ANKS1B: variants seen among roughly 807,000 people sequenced by gnomAD.
ANKS1B encodes the protein ankyrin repeat and sterile alpha motif domain-containing protein 1B.
ANKS1B carries 36 observed loss-of-function variants against 148.3 expected under a neutral mutation model. The observed-to-expected ratio is 0.24, with a 90% CI of 0.19 to 0.32. The LOEUF (loss-of-function observed/expected upper bound fraction) is 0.32, where lower values mean the gene tolerates loss of function less well. Among genes scored for constraint, ANKS1B ranks in the 10% least tolerant of loss-of-function variants. The probability of loss-of-function intolerance (pLI) is 1.00; values close to 1 mark genes in which losing one functional copy is unlikely to be tolerated. For synonymous variants in ANKS1B, 542 were observed against 560.8 expected (o/e 0.97, Z 0.47); for missense variants, 1,157 against 1,542.6 (o/e 0.75, Z 4.19).
intron 14 of ANKS1B, among the ~76,000 whole-genome samples, chr12:99,199,996 T>G (rs539613034): frequency 6.6e-6 from 1 of 152,294 alleles, no homozygotes; most frequent in African/African-American, 2.4e-5. Context: ...GGGCCAATTG[T>G]GTAGAAACAG....
At chr12:99,407,776 A>C (rs1334084997) in intron 11 of ANKS1B, among the ~76,000 whole-genome samples, 1 of 145,980 alleles carries the variant, frequency 6.9e-6, no homozygotes, top group Non-Finnish European at 1.5e-5. Flanking sequence ...TAAAATATCT[A>C]GGAATAAACT....
chr12:98,754,316 C>A (rs1380044570), intron 25 of ANKS1B, among the ~76,000 whole-genome samples: 1 of 152,212 alleles, frequency 6.6e-6, no homozygotes, highest in Non-Finnish European at 1.5e-5. Context: ...CATCACTGCA[C>A]AAAGAGGGCT....
At chr12:99,849,910 C>T (rs931454412) in intron 1 of ANKS1B, among the ~76,000 whole-genome samples, 1 of 151,954 alleles carries the variant, frequency 6.6e-6, no homozygotes, top group Non-Finnish European at 1.5e-5. Flanking sequence ...GTAATGACTT[C>T]GTGAAAATAC....
intron 26 of ANKS1B, among the ~76,000 whole-genome samples, chr12:98,747,499 G>A (rs2097921325): frequency 1.3e-5 from 2 of 152,204 alleles, no homozygotes; most frequent in Admixed American, 1.3e-4. Context: ...CTTCTACACT[G>A]TTGGTAGGAA....
At chr12:99,492,943 G>A (rs913250391) in intron 10 of ANKS1B, among the ~76,000 whole-genome samples, 3 of 152,162 alleles carry the variant, frequency 2.0e-5, no homozygotes, top group African/African-American at 7.2e-5. Flanking sequence ...TACTGAATGA[G>A]CAAAAGCTGG....
chr12:99,443,644 G>A (rs2095587197), intron 11 of ANKS1B, 29 bp downstream of exon 11: 2 of 1,608,920 alleles, frequency 1.2e-6, no homozygotes, highest in South Asian at 1.1e-5. Context: ...ACACATTAGA[G>A]GGAAAATGAT....
Position 99,315,112 on chromosome 12 carries a change from G to T in ANKS1B, c.1757-68248C>A, listed in dbSNP as rs540472698. ...ACAAAAATTAGCTGGGCGTGGTGGT[G>T]CATGCCTGTAGTCCCAGCTACTCAG... On this transcript the variant is annotated intron_variant, in intron 12 of 26. Coordinates refer to ENST00000683438, the MANE Select transcript of ANKS1B (RefSeq NM_001352186.2). 6.6e-5 allele frequency among the ~76,000 whole-genome samples: 10 copies of T among 151,870 alleles called. No homozygotes were observed. The East Asian group carries it at 1.9e-3, about 29-fold the overall frequency.
intron 15 of ANKS1B, among the ~76,000 whole-genome samples, chr12:99,150,174 T>A (rs1443175286): frequency 2.0e-5 from 3 of 152,030 alleles, no homozygotes; most frequent in Non-Finnish European, 4.4e-5. Context: ...AGACTGGAGG[T>A]CCACCTACAA....
chr12:99,189,000 T>C (rs2080271338), intron 14 of ANKS1B, among the ~76,000 whole-genome samples: 1 of 152,044 alleles, frequency 6.6e-6, no homozygotes, highest in Admixed American at 6.5e-5. Context: ...TAAAAAATGA[T>C]AAAGGAGATA....
At chr12:99,154,431 G>T in intron 14 of ANKS1B, 36 bp from the exon 15 acceptor site, 1 of 1,613,710 alleles carries the variant, frequency 6.2e-7, no homozygotes, top group Middle Eastern at 1.7e-4. Context: ...TTTAAGCAGG[G>T]AGTAGCCGTC....
intron 17 of ANKS1B, among the ~76,000 whole-genome samples, chr12:99,035,668 T>C (rs1057133087): frequency 3.9e-5 from 6 of 152,130 alleles, no homozygotes; most frequent in Non-Finnish European, 8.8e-5. Flanking sequence ...AACTTTCTTC[T>C]TGGCCCCAAC....
intron 9 of ANKS1B, among the ~76,000 whole-genome samples, chr12:99,522,311 A>T (rs10860455): frequency 0.26 from 38,985 of 151,928 alleles, 5,751 homozygotes; most frequent in African/African-American, 0.41. Flanking sequence ...TTACAGCTCC[A>T]ATGGGAATGA....
At chr12:99,274,816 G>A (rs982207325) in intron 12 of ANKS1B, among the ~76,000 whole-genome samples, 7 of 152,158 alleles carry the variant, frequency 4.6e-5, no homozygotes, top group African/African-American at 1.4e-4. Flanking sequence ...GGATGGGACT[G>A]GGGTCAATGC....
At chr12:99,563,053 T>C (rs922798229) in intron 9 of ANKS1B, among the ~76,000 whole-genome samples, 1 of 152,206 alleles carries the variant, frequency 6.6e-6, no homozygotes, top group African/African-American at 2.4e-5. Context: ...TCAGCCTTCA[T>C]AAAATTGAAG....
chr12:98,764,702 C>G (rs554407186), intron 25 of ANKS1B, among the ~76,000 whole-genome samples: 5 of 152,214 alleles, frequency 3.3e-5, no homozygotes, highest in African/African-American at 4.8e-5. Flanking sequence ...CTACCTGATA[C>G]CCTGAGTTCA....
rs149841991 is a variant in ANKS1B, at chr12:99,585,964, A to C, written c.1272+69103T>G. Among the ~76,000 whole-genome samples the C allele has an allele frequency of 6.9e-3, 1,050 of 152,138 alleles. 11 individuals carry two copies. Among genetic ancestry groups the C allele is most frequent in the African/African-American group, 0.024 (991 of 41,496 alleles). On this transcript the variant is annotated intron_variant, in intron 9 of 26. Transcript: ENST00000683438. ...GAGGTCTCTGACATGCCCTGGAGAC[A>C]TTTTCCCCATTGTCTTGATGATTAA...
At chr12:99,547,620 T>A (rs2097183122) in intron 9 of ANKS1B, among the ~76,000 whole-genome samples, 1 of 151,966 alleles carries the variant, frequency 6.6e-6, no homozygotes. Context: ...TGAAAGTGTC[T>A]CCCTAGGAGG....
intron 9 of ANKS1B, among the ~76,000 whole-genome samples, chr12:99,622,894 A>G (rs1688308491): frequency 6.6e-6 from 1 of 152,054 alleles, no homozygotes; most frequent in African/African-American, 2.4e-5. Flanking sequence ...ATCTCTTTCT[A>G]TGAAACCAGT....
chr12:99,450,663 C>T (rs770171829), intron 10 of ANKS1B, among the ~76,000 whole-genome samples: 1 of 152,156 alleles, frequency 6.6e-6, no homozygotes, highest in South Asian at 2.1e-4. Context: ...TGATTTTGTA[C>T]TATCTTGCAT....
Sources: allele counts gnomAD v4.1 joint callset (sites outside exome capture counted in the v4.1 genomes callset), GRCh38; gene constraint gnomAD v4.1.1; transcripts MANE v1.5; gene names NCBI Gene and HGNC (gene_info 2026-07-23, HGNC 2026-07-21).